Variants in CECR2 observed in about 807,000 individuals in gnomAD.
CECR2 encodes the protein chromatin remodeling regulator CECR2.
In CECR2, 30 loss-of-function variants were observed where a neutral mutation model predicts 154.5. The ratio of observed to expected loss-of-function variants is 0.19; its 90% CI spans 0.15 to 0.26. CECR2 has a LOEUF of 0.26. Ranked by LOEUF, CECR2 falls within the 10% of genes least tolerant of loss-of-function variation. The pLI is 1.00. For synonymous variants in CECR2, 725 were observed against 683.7 expected (o/e 1.06, Z -0.94); for missense variants, 1,743 against 1,829.3 (o/e 0.95, Z 0.86).
intron 1 of CECR2, among the ~76,000 whole-genome samples, chr22:17,387,802 G>T (rs2063282553): frequency 6.6e-6 from 1 of 152,134 alleles, no homozygotes; most frequent in Admixed American, 6.5e-5. Context: ...TAGCCAAGGG[G>T]CGTTTGGGTT....
In CECR2 at chr22:17,553,377, G is replaced by T. The variant is rs1355957609; in HGVS notation, c.*537G>T. 1 of 152,852 alleles carries T rather than the reference G, an allele frequency of 6.5e-6. No individual in the cohort carries two copies. Among genetic ancestry groups the T allele is most frequent in the African/African-American group, 2.4e-5 (1 of 41,436 alleles). 9.5% of individuals were successfully genotyped at this position (152,852 alleles called of 1,614,324 possible). On this transcript the variant is annotated 3_prime_UTR_variant, in exon 19 of 19. Transcript: ENST00000262608. Reference sequence around the variant, plus strand: ...GGGAAGGGTGGGTGGGGATGCGGAAGAAATGGGGGTCCTAACTGGTGGGCA... The same window carrying T: ...GGGAAGGGTGGGTGGGGATGCGGAATAAATGGGGGTCCTAACTGGTGGGCA...
intron 2 of CECR2, among the ~76,000 whole-genome samples, chr22:17,486,708 A>C (rs1017964061): frequency 1.3e-5 from 2 of 152,242 alleles, no homozygotes; most frequent in Non-Finnish European, 2.9e-5. Flanking sequence ...AGGCAAGGAG[A>C]ACCAAATAAG....
intron 1 of CECR2, among the ~76,000 whole-genome samples, chr22:17,472,053 A>G (rs1468153040): frequency 6.6e-6 from 1 of 152,190 alleles, no homozygotes; most frequent in Non-Finnish European, 1.5e-5. Context: ...GTTACTCAGC[A>G]TCGAGCCAGT....
intron 4 of CECR2, among the ~76,000 whole-genome samples, chr22:17,500,403 T>A (rs111730134): frequency 6.6e-5 from 10 of 152,170 alleles, no homozygotes; most frequent in Non-Finnish European, 1.5e-5. Flanking sequence ...GAATGCTTAC[T>A]CTTCGGAAGG....
intron 2 of CECR2, among the ~76,000 whole-genome samples, chr22:17,494,382 G>A (rs1030611115): frequency 6.6e-6 from 1 of 152,000 alleles, no homozygotes; most frequent in Non-Finnish European, 1.5e-5. Context: ...TCACCGTTAC[G>A]ACACTGTCTG....
chr22:17,437,032 G>A (rs1417939850), intron 1 of CECR2, among the ~76,000 whole-genome samples: 1 of 152,184 alleles, frequency 6.6e-6, no homozygotes, highest in African/African-American at 2.4e-5. Flanking sequence ...TAAAATCCTA[G>A]TGACTTGGGG....
chr22:17,543,585 A>G (rs980079221), intron 16 of CECR2, among the ~76,000 whole-genome samples: 44 of 149,500 alleles, frequency 2.9e-4, no homozygotes, highest in Admixed American at 1.3e-4. Context: ...TTTTTGAGAC[A>G]GAGTCCCACT....
intron 1 of CECR2, among the ~76,000 whole-genome samples, chr22:17,397,804 A>AT (rs767184322): frequency 3.9e-5 from 6 of 152,190 alleles, no homozygotes; most frequent in Non-Finnish European, 1.5e-5. Context: ...GCTAACACAA[A>AT]TTAATTTCTG....
At chr22:17,491,590 T>G (rs113487594) in intron 2 of CECR2, among the ~76,000 whole-genome samples, 3,327 of 59,118 alleles carry the variant, frequency 0.056, 55 homozygotes, top group Middle Eastern at 0.092. Flanking sequence ...TGTGGGGGGG[T>G]GGGTGTTTAG....
At chr22:17,445,281 G>C (rs2054641562) in intron 1 of CECR2, among the ~76,000 whole-genome samples, 2 of 152,126 alleles carry the variant, frequency 1.3e-5, no homozygotes, top group South Asian at 4.1e-4. Context: ...GCTGAGGTCA[G>C]AGGATTGCTT....
At chr22:17,523,774 A>T (rs2056202215) in intron 8 of CECR2, among the ~76,000 whole-genome samples, 1 of 147,146 alleles carries the variant, frequency 6.8e-6, no homozygotes, top group South Asian at 2.1e-4. Flanking sequence ...AAAAAAAAAA[A>T]AGAAAAAAAA....
At chr22:17,492,836 AAGG>A (rs1351839869) in intron 2 of CECR2, among the ~76,000 whole-genome samples, 4 of 152,228 alleles carry the variant, frequency 2.6e-5, no homozygotes, top group African/African-American at 7.2e-5. Context: ...AGGGAATTGC[AAGG>A]AGATGAATGG....
upstream of CECR2, among the ~76,000 whole-genome samples, chr22:17,368,608 C>T (rs2063017348): frequency 6.6e-6 from 1 of 152,154 alleles, no homozygotes; most frequent in Non-Finnish European, 1.5e-5. Flanking sequence ...TCCGCCGGGG[C>T]GTGGGGGTCT....
chr22:17,387,717 G>T (rs2063281362), intron 1 of CECR2, among the ~76,000 whole-genome samples: 2 of 152,272 alleles, frequency 1.3e-5, no homozygotes, highest in South Asian at 4.1e-4. Context: ...TTATATAACA[G>T]AATGCCCTTT....
At chr22:17,386,147 A>G (rs2063258220) in intron 1 of CECR2, among the ~76,000 whole-genome samples, 1 of 152,190 alleles carries the variant, frequency 6.6e-6, no homozygotes, top group South Asian at 2.1e-4. Context: ...GCATTGCTGA[A>G]TGATGCAGAG....
chr22:17,490,460 C>T (rs1213048786), intron 2 of CECR2, among the ~76,000 whole-genome samples: 2 of 151,744 alleles, frequency 1.3e-5, no homozygotes, highest in Admixed American at 6.6e-5. Flanking sequence ...TTTGAGATGG[C>T]GTCTTGCTCT....
In CECR2 at chr22:17,538,736, A is replaced by G; in HGVS notation, c.1368+5A>G. 1 of 1,611,658 alleles carries G rather than the reference A, an allele frequency of 6.2e-7. No homozygotes were observed. Among genetic ancestry groups the G allele is most frequent in the Middle Eastern group, 1.7e-4 (1 of 6,058 alleles). On this transcript the variant is annotated splice_donor_5th_base_variant and intron_variant, in intron 12 of 18. Coordinates refer to ENST00000262608, the MANE Select transcript of CECR2 (RefSeq NM_001290047.2). ...AACTATTATCAGATTATTAAGGTAG[A>G]AGTTGTCTTTGCAGTAATGCCTACT...
Position 17,497,669 on chromosome 22 carries a change from A to G in CECR2, c.405+83A>G, listed in dbSNP as rs1601460969. ...TAGTCAGAACGTAAAACCCAAAGAT[A>G]CTAAGCCAGAGTTTGGCTTGTGGTA... On this transcript the variant is annotated intron_variant, in intron 3 of 18. Coordinates refer to ENST00000262608, the MANE Select transcript of CECR2 (RefSeq NM_001290047.2). 7.2e-6 allele frequency: 10 copies of G among 1,380,354 alleles called. No homozygotes were observed. In the East Asian group the frequency reaches 2.1e-4, roughly 28 times the overall value. 85.5% of individuals were successfully genotyped at this position (1,380,354 alleles called of 1,614,324 possible).
At chr22:17,451,989 G>A (rs1388894563) in intron 1 of CECR2, among the ~76,000 whole-genome samples, 1 of 152,208 alleles carries the variant, frequency 6.6e-6, no homozygotes, top group Non-Finnish European at 1.5e-5. Context: ...TAAGTCAAGG[G>A]AAATAGTAGG....
Sources: allele counts gnomAD v4.1 joint callset (sites outside exome capture counted in the v4.1 genomes callset), GRCh38; gene constraint gnomAD v4.1.1; transcripts MANE v1.5; gene names NCBI Gene and HGNC (gene_info 2026-07-23, HGNC 2026-07-21).